THPO: variants seen among roughly 807,000 people sequenced by gnomAD.
The protein encoded by THPO is thrombopoietin.
A neutral mutation model predicts 17.0 loss-of-function variants in THPO; 12 were observed. The ratio of observed to expected loss-of-function variants is 0.71; its 90% CI spans 0.45 to 1.14. The LOEUF (loss-of-function observed/expected upper bound fraction) is 1.14. Ranked by LOEUF, THPO falls within the 50% of genes most tolerant of loss-of-function variation. The pLI is 0.00. For synonymous variants in THPO, 188 were observed against 183.0 expected (o/e 1.03, Z -0.22); for missense variants, 365 against 427.5 (o/e 0.85, Z 1.29).
chr3:184,376,825 A>G (rs1189910997), intron 1 of THPO, among the ~76,000 whole-genome samples: 1 of 149,762 alleles, frequency 6.7e-6, no homozygotes, highest in Admixed American at 6.7e-5. Flanking sequence ...AGCCTGGGCA[A>G]TAAGAGTGAA....
In THPO at chr3:184,375,529, A is replaced by G. The variant is rs1269335284; in HGVS notation, c.214T>C (p.Trp72Arg). Residue 72 changes from tryptophan (W) to arginine (R), a missense_variant, in exon 4 of 6, where the codon TGG becomes CGG. By Grantham distance (101) the Trp-to-Arg change is moderately radical (BLOSUM62 -3). Transcript: ENST00000647395. Reference protein sequence around the residue: ...LPAVDFSLGEWKTQMEETKAQ... With the variant: ...LPAVDFSLGERKTQMEETKAQ... The stretch of plus-strand genomic sequence containing the variant: ...GGCTTTCTTACCATCTGGGTTTTCC[A>G]TTCTCCCAAGCTAAAGTCCACAGCA... 1 of 1,614,176 alleles carries G rather than the reference A, an allele frequency of 6.2e-7. No individual in the cohort carries two copies. The highest frequency in any genetic ancestry group is 8.5e-7 in the Non-Finnish European group (1 of 1,180,028).
intron 4 of THPO, 82 bp from the exon 5 acceptor site, chr3:184,373,664 A>G: frequency 2.7e-6 from 4 of 1,478,380 alleles, no homozygotes; most frequent in Non-Finnish European, 3.7e-6. Flanking sequence ...AGTAGCCAGC[A>G]GAGTGAATCA....
intron 4 of THPO, 112 bp downstream of exon 4, chr3:184,375,403 G>T: frequency 8.7e-7 from 1 of 1,152,204 alleles, no homozygotes; most frequent in Non-Finnish European, 1.3e-6. Context: ...GGGTGGCCAA[G>T]CTGAAGGTGA....
chr3:184,372,385 A>G lies in THPO; in HGVS notation c.*128T>C. On this transcript the variant is annotated 3_prime_UTR_variant, in exon 6 of 6. Coordinates refer to ENST00000647395, the MANE Select transcript of THPO (RefSeq NM_000460.4). ...AATGATTCCCTTTTCAGTCCTGTGT[A>G]TCCCTTTTACCAGGGCTTTGGGTTT... is the stretch of plus-strand genomic sequence containing the variant. The G allele has an allele frequency of 8.9e-7, 1 of 1,128,838 alleles. No individual in the cohort carries two copies. Among genetic ancestry groups the G allele is most frequent in the Non-Finnish European group, 1.3e-6 (1 of 745,694 alleles). The allele number at this position is 1,128,838 out of a possible 1,614,324, so 69.9% of individuals were successfully genotyped here.
At position 184,373,096 on chromosome 3, in the gene THPO, A is replaced by C; in HGVS notation, c.479T>G (p.Val160Gly). Residue 160 changes from valine (V) to glycine (G), a missense_variant, in exon 6 of 6, where the codon GTG becomes GGG. Physicochemically the swap from Val to Gly is moderately radical, Grantham distance 109. Coordinates refer to ENST00000647395, the MANE Select transcript of THPO (RefSeq NM_000460.4). Reference protein sequence around the residue: ...LSFQHLLRGKVRFLMLVGGST... With the variant: ...LSFQHLLRGKGRFLMLVGGST... The stretch of plus-strand genomic sequence containing the variant: ...CCCTCCTACAAGCATCAGGAAACGC[A>C]CCTTTCCTCGGAGCAGGTGTTGGAA... 1 of 1,613,846 alleles carries C rather than the reference A, an allele frequency of 6.2e-7. No homozygotes were observed. Among genetic ancestry groups the C allele is most frequent in the Non-Finnish European group, 8.5e-7 (1 of 1,180,006 alleles).
chr3:184,372,471 C>A lies in THPO; in HGVS notation c.*42G>T. 1 of 1,612,114 alleles carries A rather than the reference C, an allele frequency of 6.2e-7. No individual in the cohort carries two copies. The highest frequency in any genetic ancestry group is 8.5e-7 in the Non-Finnish European group (1 of 1,178,416). On this transcript the variant is annotated 3_prime_UTR_variant, in exon 6 of 6. Transcript: ENST00000647395. Reference sequence around the variant, plus strand: ...CAGGGGCGCCCTGCAGGGAAGGGAGCTGTACACGAGACAATGCTGATGTCG... The same window carrying A: ...CAGGGGCGCCCTGCAGGGAAGGGAGATGTACACGAGACAATGCTGATGTCG...
At chr3:184,377,326 G>A (rs1714502771) in intron 1 of THPO, among the ~76,000 whole-genome samples, 1 of 152,190 alleles carries the variant, frequency 6.6e-6, no homozygotes, top group South Asian at 2.1e-4. Flanking sequence ...TGGACTCCAA[G>A]TCCTGAAATA....
intron 4 of THPO, among the ~76,000 whole-genome samples, chr3:184,373,836 A>G (rs540733639): frequency 1.3e-5 from 2 of 152,176 alleles, no homozygotes; most frequent in African/African-American, 4.8e-5. Context: ...CTTTTTTCTT[A>G]CGTTGCTGAA....
At position 184,373,066 on chromosome 3, in the gene THPO, G is replaced by T. The variant is rs750159409; in HGVS notation, c.509C>A (p.Thr170Asn). Residue 170 changes from threonine to asparagine, a missense_variant, in exon 6 of 6, where the codon ACC (threonine) becomes AAC (asparagine). By Grantham distance (65) the Thr-to-Asn change is moderately conservative (BLOSUM62 0). Coordinates refer to ENST00000647395, the MANE Select transcript of THPO (RefSeq NM_000460.4). Reference sequence around the variant, plus strand: ...GGGTGGGGCCCGCCTGACGCAGAGGGTGGACCCTCCTACAAGCATCAGGAA... The same window carrying T: ...GGGTGGGGCCCGCCTGACGCAGAGGTTGGACCCTCCTACAAGCATCAGGAA... The part of the protein sequence containing the change: ...VRFLMLVGGS[T>N]LCVRRAPPTT... 39 of 1,613,914 alleles carry T rather than the reference G, an allele frequency of 2.4e-5. No homozygotes were observed. The highest frequency in any genetic ancestry group is 1.7e-6 in the Non-Finnish European group (2 of 1,180,020).
In THPO at chr3:184,372,477, A is replaced by C; in HGVS notation, c.*36T>G. The C allele has an allele frequency of 6.2e-7, 1 of 1,613,264 alleles. No homozygotes were observed. Among genetic ancestry groups the C allele is most frequent in the Non-Finnish European group, 8.5e-7 (1 of 1,179,338 alleles). On this transcript the variant is annotated 3_prime_UTR_variant, in exon 6 of 6. Transcript: ENST00000647395. ...CGCCCTGCAGGGAAGGGAGCTGTAC[A>C]CGAGACAATGCTGATGTCGGCAGTG... is the stretch of plus-strand genomic sequence containing the variant.
At chr3:184,373,979 G>A (rs374451695) in intron 4 of THPO, among the ~76,000 whole-genome samples, 2 of 152,208 alleles carry the variant, frequency 1.3e-5, no homozygotes, top group South Asian at 2.1e-4. Flanking sequence ...TGTAATCCCA[G>A]CACTTTGGGA....
Position 184,372,492 on chromosome 3 carries a change from T to G in THPO, c.*21A>C. On this transcript the variant is annotated 3_prime_UTR_variant, in exon 6 of 6. Transcript: ENST00000647395. The stretch of plus-strand genomic sequence containing the variant: ...GGAGCTGTACACGAGACAATGCTGA[T>G]GTCGGCAGTGTCTGAGAACCTTACC... The G allele has an allele frequency of 6.2e-7, 1 of 1,613,844 alleles. No individual in the cohort carries two copies. Among genetic ancestry groups the G allele is most frequent in the Non-Finnish European group, 8.5e-7 (1 of 1,179,778 alleles).
At position 184,372,972 on chromosome 3, in the gene THPO, T is replaced by C. The variant is rs1348134959; in HGVS notation, c.603A>G (p.Gly201=). 1 of 1,614,156 alleles carries C rather than the reference T, an allele frequency of 6.2e-7. No homozygotes were observed. The part of the protein sequence containing the change: ...TLNELPNRTS[G]LLETNFTASA... The stretch of plus-strand genomic sequence containing the variant: ...AGGCAGTGAAGTTTGTCTCCAACAA[T>C]CCAGAAGTCCTGTTTGGGAGCTCGT... Residue 201 remains glycine (G), a synonymous_variant, in exon 6 of 6, where the codon GGA becomes GGG. Coordinates refer to ENST00000647395, the MANE Select transcript of THPO (RefSeq NM_000460.4).
At chr3:184,376,200 T>A (rs1456397563) in intron 2 of THPO, 47 bp downstream of exon 2, 4 of 1,613,836 alleles carry the variant, frequency 2.5e-6, no homozygotes, top group Non-Finnish European at 3.4e-6. Flanking sequence ...CTCTCTCCCC[T>A]TCTGTCATGT....
At chr3:184,374,090 T>A (rs978132932) in intron 4 of THPO, among the ~76,000 whole-genome samples, 3 of 152,136 alleles carry the variant, frequency 2.0e-5, no homozygotes, top group African/African-American at 7.2e-5. Flanking sequence ...TAGCTGGGCA[T>A]GGTGGTGGGC....
At chr3:184,377,508 G>A (rs1460649951) in intron 1 of THPO, among the ~76,000 whole-genome samples, 1 of 152,100 alleles carries the variant, frequency 6.6e-6, no homozygotes, top group Non-Finnish European at 1.5e-5. Flanking sequence ...CTGCCCCCTT[G>A]GCAGAACCCC....
Position 184,376,415 on chromosome 3 carries a change from C to A in THPO, c.-145-11G>T. ...GGTGAAGAATCTATCCTGAAAGTAG[C>A]AAGAAGAGTGAACATTTAACCAAGT... On this transcript the variant is annotated splice_polypyrimidine_tract_variant and intron_variant, in intron 1 of 5. Transcript: ENST00000647395. 1.3e-6 allele frequency: 2 copies of A among 1,563,726 alleles called. No homozygotes were observed. The highest frequency in any genetic ancestry group is 2.3e-5 in the East Asian group (1 of 44,040).
chr3:184,378,454 A>G, upstream of THPO: 1 of 954,174 alleles, frequency 1.0e-6, no homozygotes, highest in South Asian at 4.9e-5. Context: ...GAAGAAGCAC[A>G]GAGGTCTTGT....
intron 1 of THPO, among the ~76,000 whole-genome samples, chr3:184,377,201 G>T (rs778845732): frequency 7.2e-5 from 11 of 152,070 alleles, no homozygotes; most frequent in Non-Finnish European, 1.3e-4. Context: ...GAGGGGAACT[G>T]CACAAAGCTG....
Sources: allele counts gnomAD v4.1 joint callset (sites outside exome capture counted in the v4.1 genomes callset), GRCh38; gene constraint gnomAD v4.1.1; transcripts MANE v1.5; gene names NCBI Gene and HGNC (gene_info 2026-07-23, HGNC 2026-07-21).